The following MBNL1 variants were observed in gnomAD, a reference collection of about 807,000 sequenced individuals.
MBNL1 encodes the protein muscleblind-like protein 1.
Under a neutral mutation model 42.2 loss-of-function variants are expected in MBNL1, and 8 were observed. The observed-to-expected ratio is 0.19, with a 90% CI of 0.11 to 0.34. The LOEUF is 0.34. Among genes scored for constraint, MBNL1 ranks in the 10% least tolerant of loss-of-function variants. MBNL1 has a pLI of 1.00. For synonymous variants in MBNL1, 169 were observed against 173.9 expected, an observed-to-expected ratio of 0.97 and a Z score of 0.22; for missense variants, 309 against 495.3, an observed-to-expected ratio of 0.62 and a Z score of 3.57.
At chr3:152,427,027 G>A (rs549790678) in intron 3 of MBNL1, among the ~76,000 whole-genome samples, 115 of 152,266 alleles carry the variant, frequency 7.6e-4, no homozygotes, top group African/African-American at 2.5e-3. Flanking sequence ...CTTTATCCAG[G>A]TAATGGTTGA....
intron 1 of MBNL1, among the ~76,000 whole-genome samples, chr3:152,298,672 G>T (rs17368404): frequency 0.049 from 7,449 of 152,246 alleles, 284 homozygotes; most frequent in Non-Finnish European, 0.079. Flanking sequence ...AAGTGTCTGC[G>T]GGCTCAATGG....
intron 2 of MBNL1, among the ~76,000 whole-genome samples, chr3:152,380,335 C>A (rs2097128423): frequency 6.6e-6 from 1 of 152,082 alleles, no homozygotes; most frequent in Non-Finnish European, 1.5e-5. Flanking sequence ...CGCTCCTTAT[C>A]TTCCAAATTG....
At chr3:152,441,437 TG>T (rs1206206119) in intron 4 of MBNL1, among the ~76,000 whole-genome samples, 1 of 152,196 alleles carries the variant, frequency 6.6e-6, no homozygotes, top group African/African-American at 2.4e-5. Flanking sequence ...GTTTTCATTG[TG>T]AAGATTCCTT....
At chr3:152,377,816 A>C (rs978934928) in intron 2 of MBNL1, among the ~76,000 whole-genome samples, 16 of 152,230 alleles carry the variant, frequency 1.1e-4, no homozygotes, top group African/African-American at 3.9e-4. Flanking sequence ...TGATGGACAC[A>C]AGGATAAGGT....
At chr3:152,377,428 C>T (rs1322348378) in intron 2 of MBNL1, among the ~76,000 whole-genome samples, 1 of 152,194 alleles carries the variant, frequency 6.6e-6, no homozygotes, top group African/African-American at 2.4e-5. Flanking sequence ...CTCCACTCGT[C>T]AGCCATAGAC....
At chr3:152,427,729 ATATT>A (rs2098951854) in intron 3 of MBNL1, among the ~76,000 whole-genome samples, 1 of 151,334 alleles carries the variant, frequency 6.6e-6, no homozygotes, top group African/African-American at 2.4e-5. Flanking sequence ...AAATTTTTTT[ATATT>A]AAAAACATTT....
intron 2 of MBNL1, among the ~76,000 whole-genome samples, chr3:152,317,778 T>C (rs1419755102): frequency 6.6e-6 from 1 of 152,212 alleles, no homozygotes; most frequent in African/African-American, 2.4e-5. Context: ...AGTTCTGTTT[T>C]CAAATAGATG....
At chr3:152,277,894 C>G (rs1559979798) in intron 1 of MBNL1, among the ~76,000 whole-genome samples, 1 of 152,004 alleles carries the variant, frequency 6.6e-6, no homozygotes, top group Admixed American at 6.5e-5. Flanking sequence ...AGAAATTACA[C>G]TATTTATGTC....
At chr3:152,360,590 TC>T (rs1285061367) in intron 2 of MBNL1, among the ~76,000 whole-genome samples, 1 of 152,128 alleles carries the variant, frequency 6.6e-6, no homozygotes, top group African/African-American at 2.4e-5. Flanking sequence ...GATTGGGGGT[TC>T]TTCTCCTATG....
At chr3:152,447,183 G>C (rs945753756) in intron 5 of MBNL1, among the ~76,000 whole-genome samples, 2 of 150,824 alleles carry the variant, frequency 1.3e-5, no homozygotes, top group Non-Finnish European at 3.0e-5. Context: ...GTAGATCTGG[G>C]GGGAGGAGCA....
chr3:152,451,811 C>T (rs1377119994), intron 6 of MBNL1, among the ~76,000 whole-genome samples: 1 of 152,184 alleles, frequency 6.6e-6, no homozygotes, highest in African/African-American at 2.4e-5. Context: ...GCTTTGCCTA[C>T]ATTATCTCAT....
At chr3:152,393,800 C>T (rs1046336188) in intron 2 of MBNL1, among the ~76,000 whole-genome samples, 4 of 152,034 alleles carry the variant, frequency 2.6e-5, no homozygotes, top group Non-Finnish European at 5.9e-5. Flanking sequence ...CTTTCCTGTG[C>T]GTGAGCTATA....
chr3:152,373,049 G>C (rs934287279), intron 2 of MBNL1, among the ~76,000 whole-genome samples: 1 of 152,162 alleles, frequency 6.6e-6, no homozygotes, highest in Non-Finnish European at 1.5e-5. Context: ...TTGCAGAGCT[G>C]TGGTGGGCTC....
chr3:152,445,404 C>T lies in MBNL1; in HGVS notation c.672C>T (p.Tyr224=), dbSNP rs768484504. 2 of 1,614,026 alleles carry T rather than the reference C, an allele frequency of 1.2e-6. No homozygotes were observed. Among genetic ancestry groups the T allele is most frequent in the South Asian group, 2.2e-5 (2 of 91,084 alleles). The part of the protein sequence containing the change: ...NDNTVTVCMD[Y]IKGRCSREKC... ...ACACAGTCACTGTGTGTATGGATTA[C>T]ATCAAAGGGAGATGCTCTCGGGAAA... Residue 224 remains tyrosine (Y), a synonymous_variant, in exon 5 of 10, where the codon TAC becomes TAT. Transcript: ENST00000324210.
At chr3:152,367,861 C>A (rs2096481843) in intron 2 of MBNL1, among the ~76,000 whole-genome samples, 1 of 151,906 alleles carries the variant, frequency 6.6e-6, no homozygotes, top group African/African-American at 2.4e-5. Context: ...CCTTTGCCCA[C>A]TTTTTGATGG....
At position 152,288,761 on chromosome 3, in the gene MBNL1, G is replaced by C. The variant is rs1247484642; in HGVS notation, c.-789-10644G>C. Among the ~76,000 whole-genome samples, 5 of 152,070 alleles carry C rather than the reference G, an allele frequency of 3.3e-5. No individual in the cohort carries two copies. The East Asian group carries it at 9.6e-4, about 29-fold the overall frequency. The stretch of plus-strand genomic sequence containing the variant: ...ACATGTATTCCAAATTCCAGCCTCT[G>C]TTTCTTTGTAAATAATTACAAAATG... On this transcript the variant is annotated intron_variant, in intron 1 of 9. Coordinates refer to ENST00000324210, the MANE Select transcript of MBNL1 (RefSeq NM_021038.5).
At chr3:152,427,043 G>A (rs1373194969) in intron 3 of MBNL1, among the ~76,000 whole-genome samples, 1 of 152,208 alleles carries the variant, frequency 6.6e-6, no homozygotes, top group Non-Finnish European at 1.5e-5. Context: ...GTTGAGATAA[G>A]GCACTTTATC....
chr3:152,280,305 C>A (rs867801812), intron 1 of MBNL1, among the ~76,000 whole-genome samples: 1 of 152,018 alleles, frequency 6.6e-6, no homozygotes, highest in Non-Finnish European at 1.5e-5. Context: ...TAAAACCATT[C>A]GGTAGACAGG....
chr3:152,429,992 G>A (rs2098986103), intron 3 of MBNL1, among the ~76,000 whole-genome samples: 1 of 152,190 alleles, frequency 6.6e-6, no homozygotes, highest in Non-Finnish European at 1.5e-5. Context: ...CTTGGGGACA[G>A]TGCCCTAAAA....
Sources: allele counts gnomAD v4.1 joint callset (sites outside exome capture counted in the v4.1 genomes callset), GRCh38; gene constraint gnomAD v4.1.1; transcripts MANE v1.5; gene names NCBI Gene and HGNC (gene_info 2026-07-23, HGNC 2026-07-21).